Variants in PALM2AKAP2 observed in about 807,000 individuals in gnomAD.
PALM2AKAP2 encodes the protein PALM2-AKAP2 fusion protein.
A neutral mutation model predicts 71.5 loss-of-function variants in PALM2AKAP2; 37 were observed. The observed-to-expected ratio is 0.52, with a 90% CI of 0.40 to 0.68. PALM2AKAP2 has a LOEUF of 0.68. Ranked by LOEUF, PALM2AKAP2 falls within the 30% of genes least tolerant of loss-of-function variation. The probability of loss-of-function intolerance (pLI) is 0.00; values close to 1 mark genes in which losing one functional copy is unlikely to be tolerated. For missense variants in PALM2AKAP2, 1,224 were observed against 1,191.8 expected (o/e 1.03, Z -0.40); for synonymous variants, 468 against 478.8 (o/e 0.98, Z 0.29).
chr9:109,932,193 C>T (rs1831119759), intron 6 of PALM2AKAP2, among the ~76,000 whole-genome samples, 165 bp downstream of exon 6: 1 of 152,176 alleles, frequency 6.6e-6, no homozygotes, highest in Admixed American at 6.5e-5. Context: ...AGGCACCGGC[C>T]CCAGATGGGT....
chr9:110,005,187 T>C (rs958394577), intron 6 of PALM2AKAP2, among the ~76,000 whole-genome samples: 1 of 152,182 alleles, frequency 6.6e-6, no homozygotes, highest in Non-Finnish European at 1.5e-5. Context: ...ATGATGGTGA[T>C]GTACAGATGG....
chr9:109,642,512 A>C (rs1827085457), intron 1 of PALM2AKAP2, among the ~76,000 whole-genome samples: 1 of 148,760 alleles, frequency 6.7e-6, no homozygotes, highest in Admixed American at 6.6e-5. Flanking sequence ...TGTTGCACCA[A>C]CCTAATACTA....
At chr9:110,059,845 G>A (rs1188867693) in intron 1 of PALM2AKAP2, among the ~76,000 whole-genome samples, 1 of 152,204 alleles carries the variant, frequency 6.6e-6, no homozygotes, top group African/African-American at 2.4e-5. Flanking sequence ...CATGAGAGCA[G>A]TGTCTATGGA....
chr9:109,995,760 G>T (rs572106967), intron 6 of PALM2AKAP2, among the ~76,000 whole-genome samples: 4 of 152,300 alleles, frequency 2.6e-5, no homozygotes, highest in Admixed American at 6.5e-5. Flanking sequence ...TGAGATTTGG[G>T]TGGGGACACT....
At chr9:109,970,674 A>G (rs1049385340) in intron 6 of PALM2AKAP2, among the ~76,000 whole-genome samples, 3 of 152,228 alleles carry the variant, frequency 2.0e-5, no homozygotes, top group African/African-American at 4.8e-5. Flanking sequence ...AGGATGAGTT[A>G]ATAGCTCACA....
intron 1 of PALM2AKAP2, among the ~76,000 whole-genome samples, chr9:110,071,302 GA>G (rs548044723): frequency 2.2e-4 from 34 of 152,122 alleles, no homozygotes; most frequent in Admixed American, 9.2e-4. Flanking sequence ...GTTACTATTA[GA>G]GATGTAATAG....
intron 7 of PALM2AKAP2, among the ~76,000 whole-genome samples, chr9:110,020,837 C>T (rs571397684): frequency 1.9e-4 from 29 of 151,908 alleles, no homozygotes; most frequent in African/African-American, 6.3e-4. Flanking sequence ...TGGCTGGGCA[C>T]GTTGGCTCAT....
At chr9:110,000,160 C>A (rs13301814) in intron 6 of PALM2AKAP2, among the ~76,000 whole-genome samples, 4 of 145,200 alleles carry the variant, frequency 2.8e-5, no homozygotes, top group Non-Finnish European at 3.0e-5. Context: ...ATCCCTCCCC[C>A]CTCCCCCCAC....
chr9:109,882,239 A>C (rs1433058674), intron 3 of PALM2AKAP2, among the ~76,000 whole-genome samples: 1 of 152,192 alleles, frequency 6.6e-6, no homozygotes, highest in Non-Finnish European at 1.5e-5. Context: ...TTTATAACCA[A>C]CAGCAAATTA....
intron 6 of PALM2AKAP2, among the ~76,000 whole-genome samples, chr9:109,964,494 C>A (rs1831908495): frequency 1.3e-5 from 2 of 152,214 alleles, no homozygotes; most frequent in Admixed American, 1.3e-4. Flanking sequence ...TTAATTATGT[C>A]TTTTCCTTCC....
chr9:109,694,502 CTT>C (rs1377542341), intron 1 of PALM2AKAP2, among the ~76,000 whole-genome samples: 1 of 151,768 alleles, frequency 6.6e-6, no homozygotes, highest in African/African-American at 2.4e-5. Context: ...TAGTGATACA[CTT>C]AACAAAAATG....
chr9:109,692,997 A>AAAC (rs1827920341), intron 1 of PALM2AKAP2, among the ~76,000 whole-genome samples: 5 of 151,860 alleles, frequency 3.3e-5, no homozygotes, highest in African/African-American at 1.2e-4. Context: ...TTATAAAATA[A>AAAC]ACTTGAAAGT....
At chr9:109,964,144 T>C (rs548790352) in intron 6 of PALM2AKAP2, among the ~76,000 whole-genome samples, 7 of 152,268 alleles carry the variant, frequency 4.6e-5, no homozygotes, top group Non-Finnish European at 1.0e-4. Context: ...TGAGATATAC[T>C]GTATGTCAGC....
At chr9:110,109,811 G>GT in intron 1 of PALM2AKAP2, among the ~76,000 whole-genome samples, 2 of 152,000 alleles carry the variant, frequency 1.3e-5, no homozygotes, top group Middle Eastern at 6.8e-3. Flanking sequence ...AGGTTTAGGA[G>GT]TTTCTTTTAA....
chr9:109,798,739 ATG>A (rs1172295409), intron 1 of PALM2AKAP2, among the ~76,000 whole-genome samples: 1 of 152,204 alleles, frequency 6.6e-6, no homozygotes, highest in Non-Finnish European at 1.5e-5. Flanking sequence ...CATGCCTCAT[ATG>A]TTCACAGTTA....
At chr9:110,014,864 A>ACG (rs2132337734) in intron 6 of PALM2AKAP2, among the ~76,000 whole-genome samples, 2 of 133,296 alleles carry the variant, frequency 1.5e-5, no homozygotes, top group African/African-American at 5.6e-5. Context: ...ACACACACAC[A>ACG]TATATCTTGC....
intron 6 of PALM2AKAP2, among the ~76,000 whole-genome samples, chr9:109,976,695 T>C (rs1217606663): frequency 4.6e-5 from 7 of 152,214 alleles, no homozygotes; most frequent in Non-Finnish European, 1.0e-4. Context: ...GTGCTTACCC[T>C]ATGTGCTAGG....
At chr9:109,749,216 A>G (rs1002801015) in intron 1 of PALM2AKAP2, among the ~76,000 whole-genome samples, 3 of 152,056 alleles carry the variant, frequency 2.0e-5, no homozygotes, top group Non-Finnish European at 4.4e-5. Flanking sequence ...AGTCCACTTG[A>G]CAGATCATGA....
chr9:109,780,342 C>G, upstream of PALM2AKAP2: 2 of 1,530,404 alleles, frequency 1.3e-6, no homozygotes, highest in Non-Finnish European at 1.8e-6. Flanking sequence ...CAGCTCTGCC[C>G]GCCGCCCCTG....
Sources: gnomAD v4.1 joint callset for allele counts (sites outside exome capture counted in the v4.1 genomes callset) on GRCh38, gnomAD v4.1.1 for gene constraint, MANE v1.5 for transcripts, NCBI Gene and HGNC (gene_info 2026-07-23, HGNC 2026-07-21) for gene names.